The following SLC35D4 variants were observed in gnomAD, a reference collection of about 807,000 sequenced individuals.
SLC35D4 encodes the protein solute carrier family 35 member D4, also known as UDP-N-acetylglucosamine transporter SLC35D4.
chr18:23,301,850 AC>A, the SLC35D4 span, among the ~76,000 whole-genome samples: 6 of 152,382 alleles, frequency 3.9e-5, no homozygotes, highest in African/African-American at 9.6e-5. Flanking sequence ...AATTAATATT[AC>A]TATAAAACTG....
chr18:23,418,116 C>A, the SLC35D4 span, among the ~76,000 whole-genome samples: 4 of 152,126 alleles, frequency 2.6e-5, no homozygotes, highest in Middle Eastern at 3.4e-3. Flanking sequence ...CCAAAAATAT[C>A]TTTATTTCAT....
the SLC35D4 span, among the ~76,000 whole-genome samples, chr18:23,337,199 C>T: frequency 2.0e-5 from 3 of 152,082 alleles, no homozygotes; most frequent in Non-Finnish European, 4.4e-5. Flanking sequence ...TTAGGCCGGG[C>T]GCGGTGGCTC....
At chr18:23,429,459 C>T in the SLC35D4 span, among the ~76,000 whole-genome samples, 1 of 152,114 alleles carries the variant, frequency 6.6e-6, no homozygotes, top group African/African-American at 2.4e-5. Context: ...CTCCAACCTC[C>T]GCCTCCCAGG....
the SLC35D4 span, among the ~76,000 whole-genome samples, chr18:23,263,343 TG>T: frequency 6.6e-6 from 1 of 152,220 alleles, no homozygotes; most frequent in Non-Finnish European, 1.5e-5. Context: ...CAGCCACTGC[TG>T]GCCCTTTTCC....
chr18:23,353,575 G>A, the SLC35D4 span, among the ~76,000 whole-genome samples: 1 of 152,308 alleles, frequency 6.6e-6, no homozygotes, highest in East Asian at 1.9e-4. Context: ...CTTGGGGCAG[G>A]ACTAAAGACA....
chr18:23,387,870 T>C, the SLC35D4 span, among the ~76,000 whole-genome samples: 2 of 152,232 alleles, frequency 1.3e-5, no homozygotes, highest in Admixed American at 1.3e-4. Context: ...ATTTTTAGAT[T>C]TTAACTTATT....
chr18:23,411,943 A>G, the SLC35D4 span, among the ~76,000 whole-genome samples: 2 of 152,358 alleles, frequency 1.3e-5, no homozygotes, highest in South Asian at 2.1e-4. Flanking sequence ...GGGTGCTGAA[A>G]AGGCTCCTGA....
At chr18:23,334,962 G>A in the SLC35D4 span, among the ~76,000 whole-genome samples, 16 of 151,698 alleles carry the variant, frequency 1.1e-4, no homozygotes, top group African/African-American at 3.4e-4. Context: ...CTGAGATCGC[G>A]CCACTGCACT....
chr18:23,296,930 G>C, the SLC35D4 span: 1 of 152,060 alleles, frequency 6.6e-6, no homozygotes, highest in African/African-American at 2.4e-5. Flanking sequence ...GAAGTTTAGA[G>C]GCAGGAAATA....
At chr18:23,273,644 G>A in the SLC35D4 span, among the ~76,000 whole-genome samples, 1 of 152,092 alleles carries the variant, frequency 6.6e-6, no homozygotes, top group Admixed American at 6.6e-5. Context: ...GAGGACTTCT[G>A]GGGTGACTGC....
At chr18:23,381,684 A>G in the SLC35D4 span, among the ~76,000 whole-genome samples, 2 of 152,200 alleles carry the variant, frequency 1.3e-5, no homozygotes, top group South Asian at 4.1e-4. Flanking sequence ...AGATGCAAAC[A>G]CTTATGGTGT....
the SLC35D4 span, among the ~76,000 whole-genome samples, chr18:23,241,232 C>T: frequency 1.3e-5 from 2 of 151,194 alleles, no homozygotes; most frequent in South Asian, 2.1e-4. Context: ...TTTTTAATTG[C>T]TGAGTGGGCC....
At chr18:23,261,017 C>A in the SLC35D4 span, among the ~76,000 whole-genome samples, 1 of 152,172 alleles carries the variant, frequency 6.6e-6, no homozygotes, top group Non-Finnish European at 1.5e-5. Context: ...GAGCCCCCAC[C>A]CCATAAAGGG....
chr18:23,421,524 C>T, the SLC35D4 span: 1 of 1,291,970 alleles, frequency 7.7e-7, no homozygotes. Flanking sequence ...GATCTGCTGA[C>T]TGACACAAAG....
chr18:23,324,607 A>G, the SLC35D4 span, among the ~76,000 whole-genome samples: 2 of 152,332 alleles, frequency 1.3e-5, no homozygotes, highest in African/African-American at 4.8e-5. Flanking sequence ...GGTTAGCTAA[A>G]GCAAAGAATG....
chr18:23,291,510 G>T, the SLC35D4 span, among the ~76,000 whole-genome samples: 1 of 152,244 alleles, frequency 6.6e-6, no homozygotes, highest in Admixed American at 6.5e-5. Flanking sequence ...GAGGTCACCT[G>T]ATGGCACTCG....
At chr18:23,349,380 C>T in the SLC35D4 span, among the ~76,000 whole-genome samples, 5 of 152,244 alleles carry the variant, frequency 3.3e-5, no homozygotes, top group African/African-American at 1.2e-4. Context: ...CGCCTGTAAC[C>T]CCAGCACTTT....
At chr18:23,323,242 C>T in the SLC35D4 span, among the ~76,000 whole-genome samples, 54 of 152,338 alleles carry the variant, frequency 3.5e-4, no homozygotes, top group South Asian at 0.011. Context: ...TGTTCATCAA[C>T]TTTTGGTATA....
At chr18:23,418,319 C>T in the SLC35D4 span, among the ~76,000 whole-genome samples, 69 of 150,110 alleles carry the variant, frequency 4.6e-4, no homozygotes, top group African/African-American at 1.7e-3. Flanking sequence ...GTTTTTTGCT[C>T]TCCAGTTTTA....
Sources: gnomAD v4.1 joint callset for allele counts (sites outside exome capture counted in the v4.1 genomes callset) on GRCh38, gnomAD v4.1.1 for gene constraint, MANE v1.5 for transcripts, NCBI Gene and HGNC (gene_info 2026-07-23, HGNC 2026-07-21) for gene names.